The following RIMS2 variants were observed in gnomAD, a reference collection of about 807,000 sequenced individuals.
The protein encoded by RIMS2 is regulating synaptic membrane exocytosis protein 2.
Under a neutral mutation model 174.4 loss-of-function variants are expected in RIMS2, and 59 were observed. The ratio of observed to expected loss-of-function variants is 0.34; its 90% CI spans 0.27 to 0.42. The LOEUF (loss-of-function observed/expected upper bound fraction) is 0.42. Among genes scored for constraint, RIMS2 ranks in the 10% least tolerant of loss-of-function variants. The pLI, the probability that RIMS2 is intolerant of heterozygous loss-of-function variation, is 1.00. For missense variants in RIMS2, 1,620 were observed against 1,666.3 expected, an observed-to-expected ratio of 0.97 and a Z score of 0.48; for synonymous variants, 606 against 572.5, an observed-to-expected ratio of 1.06 and a Z score of -0.84.
At chr8:104,117,346 A>T (rs2098294792) in intron 19 of RIMS2, among the ~76,000 whole-genome samples, 1 of 151,984 alleles carries the variant, frequency 6.6e-6, no homozygotes, top group South Asian at 2.1e-4. Flanking sequence ...AAGGTAATGG[A>T]CTTTAAAATT....
chr8:103,685,722 C>T (rs901588479), intron 1 of RIMS2, among the ~76,000 whole-genome samples: 1 of 152,140 alleles, frequency 6.6e-6, no homozygotes, highest in Non-Finnish European at 1.5e-5. Context: ...TTTACTTGAT[C>T]ACTACAGCTT....
At chr8:103,715,515 A>G (rs963468552) in intron 2 of RIMS2, among the ~76,000 whole-genome samples, 1 of 152,310 alleles carries the variant, frequency 6.6e-6, no homozygotes, top group South Asian at 2.1e-4. Context: ...CTCAAAACAC[A>G]TGATTTTGGT....
chr8:103,701,760 G>T (rs1475274400), intron 2 of RIMS2, among the ~76,000 whole-genome samples: 1 of 152,006 alleles, frequency 6.6e-6, no homozygotes, highest in Non-Finnish European at 1.5e-5. Context: ...GCAAATGACA[G>T]AATTTTATTC....
At chr8:104,084,115 T>G in intron 19 of RIMS2, among the ~76,000 whole-genome samples, 1 of 152,068 alleles carries the variant, frequency 6.6e-6, no homozygotes, top group East Asian at 1.9e-4. Flanking sequence ...TCAGTTTAAC[T>G]TTCCTTAGTA....
At chr8:103,690,500 A>G (rs1455725724) in intron 1 of RIMS2, among the ~76,000 whole-genome samples, 1 of 152,198 alleles carries the variant, frequency 6.6e-6, no homozygotes, top group Non-Finnish European at 1.5e-5. Context: ...AAGTTAATAA[A>G]TAACATCTTA....
chr8:103,723,057 A>T (rs2097475219), intron 2 of RIMS2, among the ~76,000 whole-genome samples: 1 of 152,186 alleles, frequency 6.6e-6, no homozygotes, highest in Non-Finnish European at 1.5e-5. Flanking sequence ...GGTTGCAGTG[A>T]GCCGAGATTG....
At chr8:103,507,522 C>A (rs1207901175) in intron 1 of RIMS2, among the ~76,000 whole-genome samples, 1 of 151,948 alleles carries the variant, frequency 6.6e-6, no homozygotes, top group Non-Finnish European at 1.5e-5. Flanking sequence ...GTGGTACAAA[C>A]TTTCAAGGTG....
intron 1 of RIMS2, among the ~76,000 whole-genome samples, chr8:103,590,846 G>T (rs532608840): frequency 7.3e-5 from 11 of 151,148 alleles, no homozygotes; most frequent in African/African-American, 2.7e-4. Flanking sequence ...TTCCTAATTT[G>T]TGGTTCTTGT....
At chr8:104,166,204 C>T (rs1365143216) in intron 19 of RIMS2, among the ~76,000 whole-genome samples, 12 of 151,352 alleles carry the variant, frequency 7.9e-5, no homozygotes, top group Admixed American at 7.9e-4. Flanking sequence ...GTAGCTGGGA[C>T]TACAGGCGCC....
chr8:103,842,172 T>C (rs2098943777), intron 3 of RIMS2, among the ~76,000 whole-genome samples: 1 of 152,234 alleles, frequency 6.6e-6, no homozygotes, highest in Non-Finnish European at 1.5e-5. Context: ...AAAATCCTGG[T>C]TTTCTATTGA....
At chr8:103,844,239 C>T (rs1315095553) in intron 3 of RIMS2, among the ~76,000 whole-genome samples, 1 of 152,098 alleles carries the variant, frequency 6.6e-6, no homozygotes, top group African/African-American at 2.4e-5. Context: ...TTAAAACATC[C>T]TTGTTTGTGT....
intron 1 of RIMS2, among the ~76,000 whole-genome samples, chr8:103,576,165 A>G (rs569180771): frequency 1.7e-4 from 26 of 152,330 alleles, no homozygotes; most frequent in African/African-American, 6.3e-4. Context: ...TTCCCACACT[A>G]TAAGGCTATC....
At position 104,244,180 on chromosome 8, in the gene RIMS2, A is replaced by G. The variant is rs2099318194; in HGVS notation, c.3335-736A>G. On this transcript the variant is annotated intron_variant, in intron 19 of 23. Coordinates refer to ENST00000504942, the Ensembl canonical transcript of RIMS2. ...ACTCAGTTTCCTGTTTGGTCTTCTA[A>G]TTGGTTTCTATTAGTAAATCACATC... Among the ~76,000 whole-genome samples, 3 of 152,090 alleles carry G rather than the reference A, an allele frequency of 2.0e-5. No homozygotes were observed. In the South Asian group the frequency reaches 6.2e-4, roughly 32 times the overall value.
chr8:103,885,437 C>A (rs2099194446), exon 4 of RIMS2: 1 of 1,612,328 alleles, frequency 6.2e-7, no homozygotes, highest in African/African-American at 1.3e-5. Flanking sequence ...GCGATCTCAA[C>A]ATGAACCTCA....
chr8:103,872,055 T>C (rs1349075363), intron 3 of RIMS2, among the ~76,000 whole-genome samples: 4 of 152,204 alleles, frequency 2.6e-5, no homozygotes, highest in Non-Finnish European at 4.4e-5. Context: ...CTGGTAAATA[T>C]TTGACAACAA....
At chr8:103,756,440 T>C (rs541481813) in intron 2 of RIMS2, among the ~76,000 whole-genome samples, 24 of 130,428 alleles carry the variant, frequency 1.8e-4, no homozygotes, top group East Asian at 6.4e-4. Context: ...TTCTTTCTTT[T>C]TTTTTTTCTT....
At chr8:104,020,113 T>A (rs969259772) in intron 19 of RIMS2, among the ~76,000 whole-genome samples, 11 of 152,058 alleles carry the variant, frequency 7.2e-5, no homozygotes, top group African/African-American at 2.4e-4. Context: ...TTACTTTTCC[T>A]ATGAGATAGG....
At chr8:103,501,368 G>T (rs1404894773) in intron 1 of RIMS2, 1 of 175,120 alleles carries the variant, frequency 5.7e-6, no homozygotes, top group East Asian at 1.4e-4. Flanking sequence ...GGCCCCAGCG[G>T]GACTGGGGCT....
At chr8:103,696,354 T>C (rs867093866) in intron 1 of RIMS2, among the ~76,000 whole-genome samples, 1 of 152,176 alleles carries the variant, frequency 6.6e-6, no homozygotes, top group African/African-American at 2.4e-5. Context: ...TGATTGAGAC[T>C]GTGTCTCAGT....
Sources: gnomAD v4.1 joint callset for allele counts (sites outside exome capture counted in the v4.1 genomes callset) on GRCh38, gnomAD v4.1.1 for gene constraint, MANE v1.5 for transcripts, NCBI Gene and HGNC (gene_info 2026-07-23, HGNC 2026-07-21) for gene names.